The following SLC4A1AP variants were observed in gnomAD, a reference collection of about 807,000 sequenced individuals.
SLC4A1AP encodes solute carrier family 4 member 1 adaptor protein, also known as kanadaptin.
A neutral mutation model predicts 89.7 loss-of-function variants in SLC4A1AP; 64 were observed. That is an observed-to-expected ratio of 0.71 (90% CI 0.58 to 0.88). The LOEUF is 0.88. Ranked by LOEUF, SLC4A1AP falls within the 40% of genes least tolerant of loss-of-function variation. The pLI is 0.00. For missense variants in SLC4A1AP, 931 were observed against 965.0 expected, an observed-to-expected ratio of 0.96 and a Z score of 0.47; for synonymous variants, 366 against 353.3, an observed-to-expected ratio of 1.04 and a Z score of -0.40.
intron 5 of SLC4A1AP, among the ~76,000 whole-genome samples, chr2:27,669,775 C>T (rs1407224231): frequency 6.6e-6 from 1 of 152,162 alleles, no homozygotes; most frequent in African/African-American, 2.4e-5. Flanking sequence ...ACTGCAACTT[C>T]CGTCTCCCAG....
chr2:27,684,977 G>T (rs1675681202), intron 9 of SLC4A1AP, 60 bp from the exon 10 acceptor site: 1 of 1,527,748 alleles, frequency 6.5e-7, no homozygotes, highest in Non-Finnish European at 8.8e-7. Flanking sequence ...TCCTTGAAAA[G>T]ATTTTTCTCT....
chr2:27,666,479 G>C (rs1675325806), intron 2 of SLC4A1AP, among the ~76,000 whole-genome samples: 1 of 151,376 alleles, frequency 6.6e-6, no homozygotes. Flanking sequence ...TTGAAGGAAA[G>C]GAAAAGCCTT....
chr2:27,685,133 G>A (rs769893884), exon 10 of SLC4A1AP: 1 of 1,613,986 alleles, frequency 6.2e-7, no homozygotes, highest in Non-Finnish European at 8.5e-7. Flanking sequence ...AGAGGAAGAA[G>A]AGAAAGAAAA....
chr2:27,664,523 C>T (rs1558504113), exon 1 of SLC4A1AP: 17 of 1,614,152 alleles, frequency 1.1e-5, no homozygotes, highest in Non-Finnish European at 1.4e-5. Context: ...ACTGTCGAGT[C>T]CACGTTGGGC....
rs956449766 is a variant in SLC4A1AP at position 27,677,450 on chromosome 2, C to T, written c.1576+86C>T. On this transcript the variant is annotated intron_variant, in intron 7 of 13. Coordinates refer to ENST00000613058, the Ensembl canonical transcript of SLC4A1AP. ...GGGCTACATTAGTTAATAAGAAATA[C>T]CATACAGAATATGGAGCCTTTTAAA... 22 of 905,086 alleles carry T rather than the reference C, an allele frequency of 2.4e-5. No individual in the cohort carries two copies. In the African/African-American group the frequency reaches 3.5e-4, roughly 15 times the overall value. 56.1% of individuals were successfully genotyped at this position (905,086 alleles called of 1,614,324 possible). A position where few individuals can be genotyped will look rare whatever the true frequency, so the allele number is the denominator to read the frequency against.
In SLC4A1AP at chr2:27,675,578, T is replaced by C. The variant is rs770870283; in HGVS notation, c.1392T>C (p.Tyr464=). 5 of 1,607,768 alleles carry C rather than the reference T, an allele frequency of 3.1e-6. No individual in the cohort carries two copies. In the East Asian group the frequency reaches 1.1e-4, roughly 36 times the overall value. The change falls in exon 6 of 14, where the codon TAT becomes TAC. Residue 464 remains tyrosine, a synonymous_variant. Transcript: ENST00000613058. ...AGAACTGGGAAGATGAAGACTTTTA[T>C]GATAGTGATGATGACACATTTCTTG...
intron 8 of SLC4A1AP, among the ~76,000 whole-genome samples, chr2:27,678,744 G>A: frequency 1.3e-5 from 2 of 148,222 alleles, no homozygotes; most frequent in African/African-American, 2.5e-5. Context: ...TTTGAGATAG[G>A]GTCTCACTGT....
At chr2:27,684,054 TG>T in intron 9 of SLC4A1AP, among the ~76,000 whole-genome samples, 1 of 152,106 alleles carries the variant, frequency 6.6e-6, no homozygotes, top group Non-Finnish European at 1.5e-5. Flanking sequence ...TCTGTTGCGG[TG>T]GGGACTTAGG....
chr2:27,665,339 A>G, intron 2 of SLC4A1AP, 44 bp downstream of exon 2: 1 of 1,496,638 alleles, frequency 6.7e-7, no homozygotes, highest in Non-Finnish European at 9.0e-7. Flanking sequence ...TTTTAAGTTC[A>G]TTACAAGTGG....
intron 6 of SLC4A1AP, among the ~76,000 whole-genome samples, chr2:27,676,548 A>G (rs1675525818): frequency 6.6e-6 from 1 of 152,130 alleles, no homozygotes; most frequent in Non-Finnish European, 1.5e-5. Context: ...CTGGCTGGGC[A>G]TGGTGGCTCA....
intron 9 of SLC4A1AP, 147 bp from the exon 10 acceptor site, chr2:27,684,890 A>G: frequency 1.2e-6 from 1 of 859,174 alleles, no homozygotes; most frequent in Non-Finnish European, 1.7e-6. Flanking sequence ...ATTTCATGTC[A>G]AAGTCCCACC....
At chr2:27,664,460 G>T in exon 1 of SLC4A1AP, 1 of 1,614,210 alleles carries the variant, frequency 6.2e-7, no homozygotes, top group Non-Finnish European at 8.5e-7. Context: ...TCTACGATCT[G>T]GGAAGCACCC....
intron 2 of SLC4A1AP, among the ~76,000 whole-genome samples, chr2:27,666,855 C>CTA (rs759152205): frequency 1.6e-5 from 2 of 127,332 alleles, no homozygotes; most frequent in African/African-American, 5.6e-5. Flanking sequence ...CACAGATAAA[C>CTA]TATATATATA....
At chr2:27,685,271 A>G (rs1217467721) in exon 10 of SLC4A1AP, 1 of 1,604,344 alleles carries the variant, frequency 6.2e-7, no homozygotes. Flanking sequence ...AGAAACCCAA[A>G]CCCATGGTAA....
At chr2:27,682,873 A>G (rs1675643346) in intron 9 of SLC4A1AP, among the ~76,000 whole-genome samples, 1 of 152,190 alleles carries the variant, frequency 6.6e-6, no homozygotes, top group African/African-American at 2.4e-5. Context: ...TGATGAATTA[A>G]TTTATGCCAA....
intron 5 of SLC4A1AP, among the ~76,000 whole-genome samples, chr2:27,674,646 C>T (rs1675484211): frequency 6.7e-6 from 1 of 149,304 alleles, no homozygotes; most frequent in East Asian, 2.0e-4. Context: ...TTTCATTATC[C>T]TTTTTCAAAT....
In SLC4A1AP at chr2:27,684,933, A is replaced by G. The variant is rs1319770653; in HGVS notation, c.1876-104A>G. 3 of 1,371,452 alleles carry G rather than the reference A, an allele frequency of 2.2e-6. No homozygotes were observed. In the African/African-American group the frequency reaches 4.4e-5, roughly 20 times the overall value. 85.0% of individuals were successfully genotyped at this position (1,371,452 alleles called of 1,614,324 possible). ...GACTTCTGTGGAGTTCATCAACCTA[A>G]AAAGAGTAAACATTCAGTACATTTA... On this transcript the variant is annotated intron_variant, in intron 9 of 13. Transcript: ENST00000613058.
chr2:27,682,106 C>T (rs1675628465), intron 8 of SLC4A1AP, 142 bp from the exon 9 acceptor site: 2 of 591,018 alleles, frequency 3.4e-6, no homozygotes, highest in Non-Finnish European at 6.0e-6. Flanking sequence ...CTGAATACCT[C>T]TTTCTTATTG....
chr2:27,689,857 T>C (rs1331161589), intron 12 of SLC4A1AP, among the ~76,000 whole-genome samples: 1 of 152,216 alleles, frequency 6.6e-6, no homozygotes, highest in Non-Finnish European at 1.5e-5. Context: ...TCAGCCTTGC[T>C]CTGTTAACTT....
Sources: allele counts gnomAD v4.1 joint callset (sites outside exome capture counted in the v4.1 genomes callset), GRCh38; gene constraint gnomAD v4.1.1; transcripts MANE v1.5; gene names NCBI Gene and HGNC (gene_info 2026-07-23, HGNC 2026-07-21).